Variants in PDE1A observed in about 807,000 individuals in gnomAD.
PDE1A encodes phosphodiesterase 1A.
Under a neutral mutation model 61.7 loss-of-function variants are expected in PDE1A, and 35 were observed. The observed-to-expected ratio is 0.57, with a 90% CI of 0.43 to 0.75. PDE1A has a LOEUF of 0.75. Ranked by LOEUF, PDE1A falls within the 30% of genes least tolerant of loss-of-function variation. The probability of loss-of-function intolerance (pLI) is 0.00; values close to 1 mark genes in which losing one functional copy is unlikely to be tolerated. For synonymous variants in PDE1A, 232 were observed against 213.2 expected, an observed-to-expected ratio of 1.09 and a Z score of -0.77; for missense variants, 597 against 630.6, an observed-to-expected ratio of 0.95 and a Z score of 0.57.
chr2:182,378,494 C>G (rs563967118), intron 1 of PDE1A, among the ~76,000 whole-genome samples: 1 of 152,170 alleles, frequency 6.6e-6, no homozygotes. Flanking sequence ...ATAAATTACA[C>G]CTCAATTAAT....
At chr2:182,337,317 TCA>T (rs1055951421) in intron 1 of PDE1A, among the ~76,000 whole-genome samples, 1 of 152,200 alleles carries the variant, frequency 6.6e-6, no homozygotes, top group African/African-American at 2.4e-5. Context: ...GTTAAGAGTT[TCA>T]CAGTTAATTT....
intron 10 of PDE1A, among the ~76,000 whole-genome samples, chr2:182,191,908 T>A (rs1348102658): frequency 1.3e-5 from 2 of 151,732 alleles, no homozygotes; most frequent in African/African-American, 4.8e-5. Flanking sequence ...CAGGCTGGAG[T>A]GCAATGGCGC....
chr2:182,161,296 G>T (rs1691364436), intron 13 of PDE1A, among the ~76,000 whole-genome samples: 3 of 152,148 alleles, frequency 2.0e-5, no homozygotes, highest in Admixed American at 6.6e-5. Flanking sequence ...TACAAAGAAA[G>T]GTGAACTCTC....
At chr2:182,686,698 A>T in the PDE1A span, among the ~76,000 whole-genome samples, 65 of 152,306 alleles carry the variant, frequency 4.3e-4, no homozygotes, top group African/African-American at 1.5e-3. Flanking sequence ...CAGTGGGTGC[A>T]GTGCACCGAG....
At chr2:182,441,974 A>G (rs1204472218) in intron 2 of PDE1A, among the ~76,000 whole-genome samples, 2 of 152,244 alleles carry the variant, frequency 1.3e-5, no homozygotes, top group South Asian at 2.1e-4. Context: ...ACTGATAAAT[A>G]CCAAAGGAAT....
At chr2:182,256,175 G>A (rs1298657655) in intron 2 of PDE1A, among the ~76,000 whole-genome samples, 5 of 140,784 alleles carry the variant, frequency 3.6e-5, no homozygotes, top group Admixed American at 1.4e-4. Context: ...ATGCTGGTGC[G>A]CTGCACCCAC....
At chr2:182,692,315 A>T in the PDE1A span, among the ~76,000 whole-genome samples, 23 of 152,290 alleles carry the variant, frequency 1.5e-4, no homozygotes, top group South Asian at 4.3e-3. Flanking sequence ...TGTGGCACAT[A>T]TACACCACGG....
chr2:182,201,556 A>G (rs758530917), exon 10 of PDE1A: 13 of 1,613,204 alleles, frequency 8.1e-6, no homozygotes, highest in Non-Finnish European at 1.0e-5. Context: ...TGGCTCTGTC[A>G]ATCCTGTCAA....
intron 2 of PDE1A, among the ~76,000 whole-genome samples, chr2:182,434,705 C>T (rs978368529): frequency 6.6e-6 from 1 of 151,902 alleles, no homozygotes. Context: ...ATTAACAATA[C>T]AACTGAGAAT....
At chr2:182,530,578 A>C in the PDE1A span, among the ~76,000 whole-genome samples, 1 of 152,280 alleles carries the variant, frequency 6.6e-6, no homozygotes, top group South Asian at 2.1e-4. Context: ...GTGACAATGG[A>C]TTTGTCATCA....
At chr2:182,354,912 C>A (rs892741398) in intron 1 of PDE1A, among the ~76,000 whole-genome samples, 1 of 151,940 alleles carries the variant, frequency 6.6e-6, no homozygotes, top group South Asian at 2.1e-4. Context: ...GTTCCTGGAC[C>A]CTGTCCAACA....
At chr2:182,669,066 T>G in the PDE1A span, among the ~76,000 whole-genome samples, 1 of 152,146 alleles carries the variant, frequency 6.6e-6, no homozygotes, top group Non-Finnish European at 1.5e-5. Flanking sequence ...AGGCCTTTGA[T>G]AGAGGAGAGA....
intron 2 of PDE1A, among the ~76,000 whole-genome samples, chr2:182,498,083 C>CACCACACT (rs1209037726): frequency 2.7e-5 from 4 of 150,434 alleles, no homozygotes; most frequent in Non-Finnish European, 5.9e-5. Flanking sequence ...ACTGAGCACC[C>CACCACACT]ACCACACTGT....
intron 3 of PDE1A, among the ~76,000 whole-genome samples, chr2:182,234,812 A>G (rs948103668): frequency 1.2e-4 from 18 of 152,212 alleles, no homozygotes; most frequent in South Asian, 6.2e-4. Flanking sequence ...CAACTTTCTA[A>G]CATGCCACCA....
chr2:182,527,317 AAAAAAAAAAAATATATATATAT>A (rs1690787777), upstream of PDE1A, among the ~76,000 whole-genome samples: 1 of 52,358 alleles, frequency 1.9e-5, no homozygotes. Flanking sequence ...AAAAAAAAAA[AAAAAAAAAAAATATATATATAT>A]ATATATATAT....
the PDE1A span, among the ~76,000 whole-genome samples, chr2:182,627,210 TA>T: frequency 1.5e-3 from 104 of 70,474 alleles, 1 homozygote; most frequent in South Asian, 1.9e-3. Flanking sequence ...TATTTATATA[TA>T]AAATATAAAT....
At chr2:182,662,001 T>G in the PDE1A span, among the ~76,000 whole-genome samples, 2 of 151,902 alleles carry the variant, frequency 1.3e-5, no homozygotes, top group Non-Finnish European at 2.9e-5. Flanking sequence ...ATTCTAAAAT[T>G]TATATGAAAA....
intron 2 of PDE1A, among the ~76,000 whole-genome samples, chr2:182,490,222 T>C (rs1688292796): frequency 6.6e-6 from 1 of 152,144 alleles, no homozygotes; most frequent in Non-Finnish European, 1.5e-5. Flanking sequence ...GAAAGGGAGA[T>C]ATAAAAAAAT....
At chr2:182,539,352 G>A in the PDE1A span, among the ~76,000 whole-genome samples, 1 of 152,154 alleles carries the variant, frequency 6.6e-6, no homozygotes, top group Non-Finnish European at 1.5e-5. Flanking sequence ...CCCACTAGCT[G>A]CTAGGTCAAG....
Sources: allele counts gnomAD v4.1 joint callset (sites outside exome capture counted in the v4.1 genomes callset), GRCh38; gene constraint gnomAD v4.1.1; transcripts MANE v1.5; gene names NCBI Gene and HGNC (gene_info 2026-07-23, HGNC 2026-07-21).